Variants in CPZ observed in about 807,000 individuals in gnomAD.
CPZ encodes carboxypeptidase Z, also known as VEZT/CPZ fusion.
Under a neutral mutation model 61.8 loss-of-function variants are expected in CPZ, and 103 were observed. The observed-to-expected ratio is 1.67, with a 90% confidence interval of 1.42 to 1.96. The LOEUF (loss-of-function observed/expected upper bound fraction) is 1.96. Among genes scored for constraint, CPZ ranks in the 30% most tolerant of loss-of-function variants. The pLI, the probability that CPZ is intolerant of heterozygous loss-of-function variation, is 0.00. For synonymous variants in CPZ, 551 were observed against 373.7 expected, an observed-to-expected ratio of 1.47 and a Z score of -5.47; for missense variants, 1,461 against 914.9, an observed-to-expected ratio of 1.60 and a Z score of -7.70.
At chr4:8,618,227 TGCC>T in intron 9 of CPZ, 199 bp from the exon 10 acceptor site, 1 of 591,060 alleles carries the variant, frequency 1.7e-6, no homozygotes. Flanking sequence ...TCGGGTCAAT[TGCC>T]AGGGAGGAAA....
chr4:8,617,567 T>TA (rs1221442192), intron 9 of CPZ, among the ~76,000 whole-genome samples: 2 of 152,240 alleles, frequency 1.3e-5, no homozygotes, highest in African/African-American at 4.8e-5. Context: ...ATCCTGATTT[T>TA]AAGAGGAGCA....
At chr4:8,599,794 A>G (rs756015932) in intron 2 of CPZ, 96 of 426,434 alleles carry the variant, frequency 2.3e-4, no homozygotes, top group Non-Finnish European at 3.5e-4. Context: ...CCTTGTCCAC[A>G]TGCATTTCAT....
rs758797920 is a variant in CPZ, at chr4:8,592,930, G to A, written c.88+9G>A. 3.5e-5 allele frequency: 53 copies of A among 1,530,254 alleles called. No homozygotes were observed. In the African/African-American group the frequency reaches 6.1e-4, roughly 18 times the overall value. The allele number at this position is 1,530,254 out of a possible 1,614,324, so 94.8% of individuals were successfully genotyped here. A position where few individuals can be genotyped will look rare whatever the true frequency, so the allele number is the denominator to read the frequency against. On this transcript the variant is annotated intron_variant, in intron 1 of 10. Transcript: ENST00000360986. ...TGAGCGGAACCCCGCCGGTAAGGCC[G>A]TCCCCTGCCCCCACCCTCCACCCTC...
intron 7 of CPZ, chr4:8,611,238 C>T (rs1455270099): frequency 4.4e-6 from 2 of 456,126 alleles, no homozygotes; most frequent in Non-Finnish European, 8.8e-6. Context: ...GAGCCCTTCG[C>T]CTGCCTGACC....
chr4:8,618,428 G>T lies in CPZ; in HGVS notation c.1504-1G>T. 1.9e-6 allele frequency: 3 copies of T among 1,614,082 alleles called. No homozygotes were observed. The highest frequency in any genetic ancestry group is 2.5e-6 in the Non-Finnish European group (3 of 1,179,984). ...CCCTGGCCTCCCCTTGGTCTCTTCA[G>T]GTGCACCGGGGCATCAAAGGTGTGG... On this transcript the variant is annotated splice_acceptor_variant, in intron 9 of 10. Coordinates refer to ENST00000360986, the MANE Select transcript of CPZ (RefSeq NM_001014447.3). LOFTEE classifies it high-confidence loss of function.
intron 1 of CPZ, 146 bp downstream of exon 1, chr4:8,593,067 C>A: frequency 1.6e-6 from 1 of 642,036 alleles, no homozygotes; most frequent in Non-Finnish European, 2.6e-6. Context: ...AAGTGGGCAG[C>A]ATGTGGCCTG....
At position 8,609,348 on chromosome 4, in the gene CPZ, CTCAT is replaced by C. The variant is rs376171458; in HGVS notation, c.1227+1931_1227+1934del. ...ACTCACTTTTTCACTCACTCATTCT[CTCAT>C]TCATTCACTCACAAACTCATTCACT... On this transcript the variant is annotated intron_variant, in intron 7 of 10. Transcript: ENST00000360986. 3.7e-3 allele frequency among the ~76,000 whole-genome samples: 549 copies of C among 149,770 alleles called. 3 individuals carry two copies. Among genetic ancestry groups the C allele is most frequent in the South Asian group, 0.022 (108 of 4,800 alleles).
At chr4:8,609,414 C>T (rs1329527151) in intron 7 of CPZ, among the ~76,000 whole-genome samples, 3 of 146,824 alleles carry the variant, frequency 2.0e-5, no homozygotes, top group Admixed American at 6.6e-5. Context: ...TATTCCCGCA[C>T]TCCTTCCCTC....
At chr4:8,614,521 C>T in intron 9 of CPZ, 23 bp downstream of exon 9, 2 of 1,609,354 alleles carry the variant, frequency 1.2e-6, no homozygotes, top group Non-Finnish European at 1.7e-6. Flanking sequence ...GGTCTCAGGG[C>T]TCTGGTCCAG....
intron 6 of CPZ, 149 bp downstream of exon 6, chr4:8,607,047 C>T (rs189307118): frequency 8.1e-5 from 89 of 1,096,000 alleles, no homozygotes; most frequent in Non-Finnish European, 1.0e-4. Flanking sequence ...AATGGGAACA[C>T]CTCCTTGCTG....
chr4:8,614,469 A>G lies in CPZ; in HGVS notation c.1474A>G (p.Lys492Glu), dbSNP rs1415347663. The G allele has an allele frequency of 2.5e-6, 4 of 1,613,634 alleles. No homozygotes were observed. In the African/African-American group the frequency reaches 4.0e-5, roughly 16 times the overall value. The change falls in exon 9 of 11, where the codon AAG (lysine) becomes GAG (glutamate). Residue 492 changes from lysine to glutamate, a missense_variant. Lys to Glu is a moderately conservative substitution (Grantham distance 56). Transcript: ENST00000360986. ...CCTGTACATACTCTGGCAGCACAAC[A>G]AGGAGTCACTCCTGAATTTCGTGGA... is the stretch of plus-strand genomic sequence containing the variant. ...EALYILWQHN[K>E]ESLLNFVETV...
chr4:8,611,087 T>TTCACTCAC (rs61069089), intron 7 of CPZ: 58 of 391,700 alleles, frequency 1.5e-4, no homozygotes, highest in African/African-American at 9.9e-4. Flanking sequence ...CATTCGCTCA[T>TTCACTCAC]TCACTCACTC....
In CPZ at chr4:8,601,364, C is replaced by G; in HGVS notation, c.363C>G (p.Ile121Met). 1 of 1,600,976 alleles carries G rather than the reference C, an allele frequency of 6.2e-7. No individual in the cohort carries two copies. The highest frequency in any genetic ancestry group is 2.3e-5 in the East Asian group (1 of 44,188). ...GGGTGCGCAGACCCTGCCGGCACAT[C>G]TGCGAGGGCCTGCGGGAGGTCTGCC... is the stretch of plus-strand genomic sequence containing the variant. ...GGWVRRPCRH[I>M]CEGLREVCQP... The change falls in exon 3 of 11, where the codon ATC becomes ATG. Residue 121 changes from isoleucine (I) to methionine (M), a missense_variant. Physicochemically the swap from Ile to Met is conservative, Grantham distance 10 (BLOSUM62 1). Coordinates refer to ENST00000360986, the MANE Select transcript of CPZ (RefSeq NM_001014447.3).
chr4:8,609,578 C>G (rs1320950348), intron 7 of CPZ, among the ~76,000 whole-genome samples: 1 of 152,238 alleles, frequency 6.6e-6, no homozygotes, highest in African/African-American at 2.4e-5. Context: ...CTCTTGGGGG[C>G]CATGGCTGGG....
In CPZ at chr4:8,603,958, C is replaced by T. The variant is rs1393375118; in HGVS notation, c.497-18C>T. ...CTGGGGGCCTGACACTGACTGAGCC[C>T]CCCCACTGCTCCCCCAGGAGGCCTG... On this transcript the variant is annotated intron_variant, in intron 3 of 10. Coordinates refer to ENST00000360986, the MANE Select transcript of CPZ (RefSeq NM_001014447.3). The T allele has an allele frequency of 6.2e-7, 1 of 1,609,690 alleles. No homozygotes were observed. Among genetic ancestry groups the T allele is most frequent in the Admixed American group, 1.7e-5 (1 of 59,996 alleles).
At chr4:8,595,687 T>C (rs1560287957) in intron 1 of CPZ, among the ~76,000 whole-genome samples, 1 of 152,210 alleles carries the variant, frequency 6.6e-6, no homozygotes, top group Non-Finnish European at 1.5e-5. Context: ...GGAAGAATTG[T>C]GTTTTCCAGA....
In CPZ at chr4:8,618,537, G is replaced by C. The variant is rs376882526; in HGVS notation, c.1603+9G>C. ...CCACGACATCACCACAGGTGAGCACGTCCCTGGCTGTCCCCTGGGGACCAC... is the reference window on the plus strand; with the variant it reads ...CCACGACATCACCACAGGTGAGCACCTCCCTGGCTGTCCCCTGGGGACCAC... On this transcript the variant is annotated intron_variant, in intron 10 of 10. Transcript: ENST00000360986. 1.2e-6 allele frequency: 2 copies of C among 1,611,330 alleles called. No individual in the cohort carries two copies. The highest frequency in any genetic ancestry group is 1.7e-6 in the Non-Finnish European group (2 of 1,179,356).
intron 9 of CPZ, among the ~76,000 whole-genome samples, chr4:8,616,378 G>GA (rs926720169): frequency 3.3e-5 from 5 of 152,018 alleles, no homozygotes; most frequent in Non-Finnish European, 5.9e-5. Context: ...AGCAGGGACA[G>GA]AAAAAAAATC....
In CPZ at chr4:8,618,475, C is replaced by G. The variant is rs1179097286; in HGVS notation, c.1550C>G (p.Pro517Arg). The change falls in exon 10 of 11, where the codon CCA becomes CGA. Residue 517 changes from proline to arginine, a missense_variant. Pro to Arg is a moderately radical substitution (Grantham distance 103). Coordinates refer to ENST00000360986, the MANE Select transcript of CPZ (RefSeq NM_001014447.3). The stretch of plus-strand genomic sequence containing the variant: ...GTGGTGACAGATAAATTCGGCAAGC[C>G]AGTCAAAAACGCCCGGATCTCAGTC... ...KGVVTDKFGK[P>R]VKNARISVKG... 6.2e-7 allele frequency: 1 copy of G among 1,614,000 alleles called. No individual in the cohort carries two copies. The highest frequency in any genetic ancestry group is 1.3e-5 in the African/African-American group (1 of 74,936).
Sources: allele counts gnomAD v4.1 joint callset (sites outside exome capture counted in the v4.1 genomes callset), GRCh38; gene constraint gnomAD v4.1.1; transcripts MANE v1.5; gene names NCBI Gene and HGNC (gene_info 2026-07-23, HGNC 2026-07-21).